The following AUTS2 variants were observed in gnomAD, a reference collection of about 807,000 sequenced individuals.
AUTS2 encodes the protein autism susceptibility gene 2 protein.
AUTS2 carries 17 observed loss-of-function variants against 112.4 expected under a neutral mutation model. The observed-to-expected ratio is 0.15, with a 90% CI of 0.10 to 0.23. AUTS2 has a LOEUF of 0.23. AUTS2 is among the 10% of genes least tolerant of loss of function. AUTS2 has a pLI of 1.00. For synonymous variants in AUTS2, 751 were observed against 702.7 expected, an observed-to-expected ratio of 1.07 and a Z score of -1.09; for missense variants, 1,510 against 1,701.6, an observed-to-expected ratio of 0.89 and a Z score of 1.98.
At chr7:70,478,586 T>C (rs920678518) in intron 5 of AUTS2, among the ~76,000 whole-genome samples, 4 of 152,196 alleles carry the variant, frequency 2.6e-5, no homozygotes, top group African/African-American at 9.6e-5. Context: ...ATCCTTTTCT[T>C]ACCTGTATAT....
chr7:70,329,902 G>A (rs1047838719), intron 4 of AUTS2, among the ~76,000 whole-genome samples: 3 of 152,004 alleles, frequency 2.0e-5, no homozygotes, highest in South Asian at 2.1e-4. Flanking sequence ...TTGCTGTTGG[G>A]TGTGGGGTGC....
Position 70,484,408 on chromosome 7 carries a change from T to C in AUTS2, c.690+48627T>C, listed in dbSNP as rs576164004. On this transcript the variant is annotated intron_variant, in intron 5 of 18. Transcript: ENST00000342771. ...TTGTGGTCAGAGTAGTACTTGGGGA[T>C]TTGTTTGGAAGAGCACGTGTGGCTT... 2.6e-5 allele frequency among the ~76,000 whole-genome samples: 4 copies of C among 152,256 alleles called. No individual in the cohort carries two copies. The South Asian group carries it at 8.3e-4, about 32-fold the overall frequency.
chr7:70,007,649 A>T (rs1799606471), intron 2 of AUTS2, among the ~76,000 whole-genome samples: 1 of 152,198 alleles, frequency 6.6e-6, no homozygotes, highest in South Asian at 2.1e-4. Flanking sequence ...TATTTTAGAC[A>T]TGAGAAAAGT....
At chr7:69,641,745 T>C (rs1794805948) in intron 1 of AUTS2, among the ~76,000 whole-genome samples, 1 of 152,208 alleles carries the variant, frequency 6.6e-6, no homozygotes, top group Non-Finnish European at 1.5e-5. Flanking sequence ...GAAGTATTCT[T>C]TCACACAAAT....
intron 5 of AUTS2, among the ~76,000 whole-genome samples, chr7:70,504,767 T>G (rs180963958): frequency 1.3e-5 from 2 of 152,356 alleles, no homozygotes. Flanking sequence ...TCTGTTTTTA[T>G]ATTTACACAG....
At chr7:70,722,499 C>G (rs1245084512) in intron 6 of AUTS2, among the ~76,000 whole-genome samples, 1 of 152,152 alleles carries the variant, frequency 6.6e-6, no homozygotes, top group Non-Finnish European at 1.5e-5. Flanking sequence ...AAGGATTTTT[C>G]TCTTCCCCTC....
chr7:70,789,979 G>C lies in AUTS2; in HGVS notation c.2763G>C (p.Gly921=), dbSNP rs753461480. 36 of 1,611,150 alleles carry C rather than the reference G, an allele frequency of 2.2e-5. No individual in the cohort carries two copies. In the African/African-American group the frequency reaches 3.1e-4, roughly 14 times the overall value. The change falls in exon 19 of 19, where the codon GGG becomes GGC. Residue 921 remains glycine, a synonymous_variant. Coordinates refer to ENST00000342771, the MANE Select transcript of AUTS2 (RefSeq NM_015570.4). ...AKEGHLPEKD[G]HGHEGRAAGE... is the part of the protein sequence containing the mutation. ...AGGGCCACCTGCCCGAGAAGGACGG[G>C]CACGGCCACGAGGGGCGCGCCGCGG...
chr7:70,785,154 G>A (rs1032837569), intron 16 of AUTS2, 135 bp downstream of exon 16: 1 of 836,414 alleles, frequency 1.2e-6, no homozygotes, highest in Non-Finnish European at 1.9e-6. Context: ...GCAGGAGATG[G>A]TGCTCTCTTA....
rs1373402324 is a variant in AUTS2, at chr7:70,155,047, C to G, written c.660+20476C>G. ...TGCTGCCAGCCTGGTTTTGTTCTTC[C>G]CAGGTGGATGTTTCATTATAGGAAT... On this transcript the variant is annotated intron_variant, in intron 4 of 18. Coordinates refer to ENST00000342771, the MANE Select transcript of AUTS2 (RefSeq NM_015570.4). 2.0e-5 allele frequency among the ~76,000 whole-genome samples: 3 copies of G among 152,086 alleles called. No individual in the cohort carries two copies. The East Asian group carries it at 5.8e-4, about 29-fold the overall frequency.
intron 1 of AUTS2, among the ~76,000 whole-genome samples, chr7:69,818,708 C>T (rs1167063019): frequency 5.3e-5 from 8 of 152,140 alleles, no homozygotes. Context: ...TTATAGTCCT[C>T]TTTGCTTTGT....
chr7:70,192,971 A>G (rs548682580), intron 4 of AUTS2, among the ~76,000 whole-genome samples: 1 of 152,244 alleles, frequency 6.6e-6, no homozygotes, highest in Admixed American at 6.5e-5. Context: ...ACCATTAGGT[A>G]GATACTAGTT....
At chr7:70,644,827 A>G (rs10269830) in intron 5 of AUTS2, among the ~76,000 whole-genome samples, 98,412 of 151,960 alleles carry the variant, frequency 0.65, 32,889 homozygotes, top group Middle Eastern at 0.8. Flanking sequence ...TATATTCCTC[A>G]CCTGGCCCAA....
At chr7:70,642,659 C>G (rs539375111) in intron 5 of AUTS2, among the ~76,000 whole-genome samples, 2 of 152,316 alleles carry the variant, frequency 1.3e-5, no homozygotes, top group African/African-American at 4.8e-5. Context: ...CCTACATTCT[C>G]AGTGGAAGAC....
chr7:70,336,418 CCTATGTTTT>C (rs1180937722), intron 4 of AUTS2, among the ~76,000 whole-genome samples: 1 of 151,962 alleles, frequency 6.6e-6, no homozygotes, highest in Non-Finnish European at 1.5e-5. Context: ...TTGATAAATG[CCTATGTTTT>C]CTATTATTTC....
intron 5 of AUTS2, among the ~76,000 whole-genome samples, chr7:70,572,452 G>A (rs891693406): frequency 2.2e-5 from 3 of 135,240 alleles, no homozygotes; most frequent in African/African-American, 7.7e-5. Flanking sequence ...AGAGAAGGCA[G>A]GGATGGGGGG....
chr7:70,422,096 GA>G (rs1229545625), intron 4 of AUTS2, among the ~76,000 whole-genome samples: 1 of 151,798 alleles, frequency 6.6e-6, no homozygotes, highest in East Asian at 1.9e-4. Flanking sequence ...ATAAAGGGAA[GA>G]AAAAAAAGGA....
At chr7:69,623,126 T>A (rs1793752826) in intron 1 of AUTS2, among the ~76,000 whole-genome samples, 1 of 152,218 alleles carries the variant, frequency 6.6e-6, no homozygotes, top group African/African-American at 2.4e-5. Flanking sequence ...TACTCCATGG[T>A]AACTTGGTAA....
At chr7:70,303,098 C>G (rs1464171612) in intron 4 of AUTS2, among the ~76,000 whole-genome samples, 1 of 152,044 alleles carries the variant, frequency 6.6e-6, no homozygotes, top group Non-Finnish European at 1.5e-5. Context: ...TTCTTCCTAC[C>G]TCTCACTTGA....
intron 2 of AUTS2, among the ~76,000 whole-genome samples, chr7:69,926,321 T>A (rs910846854): frequency 6.6e-6 from 1 of 152,172 alleles, no homozygotes; most frequent in African/African-American, 2.4e-5. Context: ...TGAGGCTTTG[T>A]TATTTGGTAC....
Sources: gnomAD v4.1 joint callset for allele counts (sites outside exome capture counted in the v4.1 genomes callset) on GRCh38, gnomAD v4.1.1 for gene constraint, MANE v1.5 for transcripts, NCBI Gene and HGNC (gene_info 2026-07-23, HGNC 2026-07-21) for gene names.